CNTN4: variants seen among roughly 807,000 people sequenced by gnomAD.
The protein encoded by CNTN4 is contactin-4.
Under a neutral mutation model 122.5 loss-of-function variants are expected in CNTN4, and 77 were observed. The ratio of observed to expected loss-of-function variants is 0.63; its 90% confidence interval spans 0.52 to 0.76. The LOEUF is 0.76. Ranked by LOEUF, CNTN4 falls within the 30% of genes least tolerant of loss-of-function variation. The pLI is 0.00. For synonymous variants in CNTN4, 512 were observed against 447.0 expected (o/e 1.15, Z -1.83); for missense variants, 1,256 against 1,259.1 (o/e 1.00, Z 0.04).
chr3:2,879,845 T>A (rs990812688), intron 8 of CNTN4, among the ~76,000 whole-genome samples: 1 of 152,204 alleles, frequency 6.6e-6, no homozygotes, highest in African/African-American at 2.4e-5. Context: ...TTTTAGTATG[T>A]AAATTATACC....
intron 2 of CNTN4, among the ~76,000 whole-genome samples, chr3:2,153,762 C>G (rs1244363461): frequency 6.6e-6 from 1 of 152,078 alleles, no homozygotes; most frequent in African/African-American, 2.4e-5. Context: ...GGGAGCAGAA[C>G]AGTTATAAGG....
At chr3:2,788,877 G>C (rs992693778) in intron 6 of CNTN4, among the ~76,000 whole-genome samples, 12 of 152,130 alleles carry the variant, frequency 7.9e-5, no homozygotes, top group Admixed American at 5.2e-4. Flanking sequence ...CTTTTTTAAA[G>C]ATATAACAGT....
chr3:2,859,449 C>T (rs889947928), intron 7 of CNTN4, among the ~76,000 whole-genome samples: 1 of 152,046 alleles, frequency 6.6e-6, no homozygotes, highest in Non-Finnish European at 1.5e-5. Flanking sequence ...ACAGACACAT[C>T]CACTTGTCAG....
intron 15 of CNTN4, among the ~76,000 whole-genome samples, chr3:3,026,678 G>GT (rs999792147): frequency 6.6e-6 from 1 of 152,118 alleles, no homozygotes; most frequent in African/African-American, 2.4e-5. Context: ...GTTTCCTTCT[G>GT]TTTTTAGGCT....
chr3:2,302,803 A>T (rs2042571091), intron 2 of CNTN4, among the ~76,000 whole-genome samples: 1 of 152,178 alleles, frequency 6.6e-6, no homozygotes, highest in Non-Finnish European at 1.5e-5. Context: ...TCTCATCCAT[A>T]AGTTTATTAG....
intron 4 of CNTN4, among the ~76,000 whole-genome samples, chr3:2,641,255 G>A (rs780581069): frequency 6.6e-6 from 1 of 151,954 alleles, no homozygotes; most frequent in Non-Finnish European, 1.5e-5. Flanking sequence ...AGTGTGACAT[G>A]TGAGTATTAA....
chr3:3,034,942 T>G, intron 17 of CNTN4, 152 bp downstream of exon 17: 1 of 841,166 alleles, frequency 1.2e-6, no homozygotes. Flanking sequence ...TGTACTATCA[T>G]TAATATTTTT....
chr3:2,105,582 A>G (rs1311717873), intron 2 of CNTN4, among the ~76,000 whole-genome samples: 2 of 152,092 alleles, frequency 1.3e-5, no homozygotes, highest in Non-Finnish European at 2.9e-5. Context: ...AGAACTCACA[A>G]TCATGAGACC....
chr3:2,190,371 T>C (rs1403587201), intron 2 of CNTN4, among the ~76,000 whole-genome samples: 4 of 151,880 alleles, frequency 2.6e-5, no homozygotes, highest in Admixed American at 6.6e-5. Context: ...AGAATTTTTC[T>C]AGAGGAAGCA....
chr3:2,583,251 G>T (rs2080029179), intron 4 of CNTN4, among the ~76,000 whole-genome samples: 1 of 152,192 alleles, frequency 6.6e-6, no homozygotes, highest in African/African-American at 2.4e-5. Flanking sequence ...ACTCATTGCA[G>T]CAGATATGTT....
At chr3:2,102,181 G>C (rs947669439) in intron 2 of CNTN4, among the ~76,000 whole-genome samples, 3 of 152,202 alleles carry the variant, frequency 2.0e-5, no homozygotes, top group African/African-American at 7.2e-5. Flanking sequence ...AATCCAAGGA[G>C]TAAATGAGGG....
At chr3:2,813,153 G>T (rs1168789838) in intron 6 of CNTN4, among the ~76,000 whole-genome samples, 1 of 152,124 alleles carries the variant, frequency 6.6e-6, no homozygotes, top group African/African-American at 2.4e-5. Flanking sequence ...CTTTAAATTT[G>T]CTGCATGATA....
At chr3:2,611,840 T>C (rs561871844) in intron 4 of CNTN4, among the ~76,000 whole-genome samples, 1 of 152,302 alleles carries the variant, frequency 6.6e-6, no homozygotes, top group East Asian at 1.9e-4. Flanking sequence ...GCATCTCTTA[T>C]ACAGGTGGCT....
At chr3:2,493,594 G>T (rs1336398137) in intron 3 of CNTN4, among the ~76,000 whole-genome samples, 1 of 151,478 alleles carries the variant, frequency 6.6e-6, no homozygotes, top group Non-Finnish European at 1.5e-5. Flanking sequence ...AGTTAGTATT[G>T]AGGATTCATT....
intron 2 of CNTN4, among the ~76,000 whole-genome samples, chr3:2,303,874 G>T (rs1296842894): frequency 6.6e-6 from 1 of 152,198 alleles, no homozygotes; most frequent in Non-Finnish European, 1.5e-5. Flanking sequence ...CTTTCCCTCT[G>T]TCTGCAGGTA....
intron 2 of CNTN4, among the ~76,000 whole-genome samples, chr3:2,293,114 G>A (rs2042191949): frequency 8.0e-6 from 1 of 124,728 alleles, no homozygotes; most frequent in Admixed American, 8.0e-5. Context: ...CTATTGCACT[G>A]TGGTTTAACA....
chr3:2,366,888 AG>A (rs1212868973), intron 3 of CNTN4, among the ~76,000 whole-genome samples: 7 of 152,084 alleles, frequency 4.6e-5, no homozygotes, highest in Admixed American at 4.6e-4. Flanking sequence ...AAGAGCTAAA[AG>A]AATACCACGT....
chr3:2,859,779 G>A (rs934281980), intron 7 of CNTN4, among the ~76,000 whole-genome samples: 2 of 152,020 alleles, frequency 1.3e-5, no homozygotes, highest in African/African-American at 4.8e-5. Flanking sequence ...ACTCATATTT[G>A]GCTTATTGTC....
At chr3:2,410,168 A>G (rs922176406) in intron 3 of CNTN4, among the ~76,000 whole-genome samples, 1 of 152,210 alleles carries the variant, frequency 6.6e-6, no homozygotes, top group Non-Finnish European at 1.5e-5. Flanking sequence ...TCTTCTTGAT[A>G]AAGTGTTATC....
Sources: gnomAD v4.1 joint callset for allele counts (sites outside exome capture counted in the v4.1 genomes callset) on GRCh38, gnomAD v4.1.1 for gene constraint, MANE v1.5 for transcripts, NCBI Gene and HGNC (gene_info 2026-07-23, HGNC 2026-07-21) for gene names.